The following MSL2 variants were observed in gnomAD, a reference collection of about 807,000 sequenced individuals.
MSL2 encodes E3 ubiquitin-protein ligase MSL2.
In MSL2, 2 loss-of-function variants were observed where a neutral mutation model predicts 35.8. The observed-to-expected ratio is 0.06, with a 90% CI of 0.02 to 0.18. The LOEUF (loss-of-function observed/expected upper bound fraction) is 0.18. Ranked by LOEUF, MSL2 falls within the 10% of genes least tolerant of loss-of-function variation. MSL2 has a pLI of 1.00. For synonymous variants in MSL2, 296 were observed against 255.7 expected (o/e 1.16, Z -1.50); for missense variants, 523 against 706.7 (o/e 0.74, Z 2.95).
chr3:136,182,587 A>C (rs889286234), intron 1 of MSL2, among the ~76,000 whole-genome samples: 1 of 152,112 alleles, frequency 6.6e-6, no homozygotes, highest in Non-Finnish European at 1.5e-5. Context: ...CTGAATTGAG[A>C]AGCCAGAGCT....
Position 136,151,900 on chromosome 3 carries a change from T to C in MSL2, c.981A>G (p.Ser327=), listed in dbSNP as rs202185460. The C allele has an allele frequency of 6.8e-6, 11 of 1,614,058 alleles. No individual in the cohort carries two copies. Among genetic ancestry groups the C allele is most frequent in the African/African-American group, 2.7e-5 (2 of 74,914 alleles). Residue 327 remains serine, a synonymous_variant, in exon 2 of 2, where the codon TCA becomes TCG. Transcript: ENST00000309993. The surrounding 1 kb of genome is among the most constrained non-coding windows in gnomAD (Gnocchi z 5.2). ...CTATCTTCGGAGTTGCTGCTGTACA[T>C]GATAACCCATGAAGTGCAGGACTGG... ...MSTSPALHGL[S]CTAATPKIAK... is the part of the protein sequence containing the mutation.
intron 1 of MSL2, among the ~76,000 whole-genome samples, chr3:136,165,738 T>C (rs923431551): frequency 1.3e-5 from 2 of 152,144 alleles, no homozygotes; most frequent in African/African-American, 4.8e-5. Context: ...CCAGACATCA[T>C]TAATTTTTAA....
chr3:136,189,076 A>C (rs1224517058), intron 1 of MSL2, among the ~76,000 whole-genome samples: 3 of 139,222 alleles, frequency 2.2e-5, no homozygotes, highest in Non-Finnish European at 4.5e-5. Flanking sequence ...AGATCATACA[A>C]GCCTGGGCAA....
chr3:136,156,926 G>A (rs1335460585), intron 1 of MSL2, among the ~76,000 whole-genome samples: 1 of 151,322 alleles, frequency 6.6e-6, no homozygotes, highest in African/African-American at 2.4e-5. Context: ...AACTGTTGAA[G>A]AAGAGAAAAT....
intron 1 of MSL2, among the ~76,000 whole-genome samples, chr3:136,180,387 T>C (rs1288949279): frequency 1.3e-5 from 2 of 152,070 alleles, no homozygotes; most frequent in Non-Finnish European, 2.9e-5. Flanking sequence ...CGTTACTTTT[T>C]GAAATATTAC....
At chr3:136,168,850 A>G (rs573343572) in intron 1 of MSL2, among the ~76,000 whole-genome samples, 2 of 152,156 alleles carry the variant, frequency 1.3e-5, no homozygotes, top group Non-Finnish European at 2.9e-5. Flanking sequence ...GTTCAATGAG[A>G]TAACACCCTT....
At chr3:136,176,515 CAAAA>C (rs771021498) in intron 1 of MSL2, among the ~76,000 whole-genome samples, 922 of 54,124 alleles carry the variant, frequency 0.017, 17 homozygotes, top group African/African-American at 0.052. Flanking sequence ...GACCCTCTCT[CAAAA>C]AAAAAAAAAA....
At chr3:136,176,515 CAA>C (rs771021498) in intron 1 of MSL2, among the ~76,000 whole-genome samples, 151 of 54,110 alleles carry the variant, frequency 2.8e-3, no homozygotes, top group African/African-American at 3.8e-3. Flanking sequence ...GACCCTCTCT[CAA>C]AAAAAAAAAA....
chr3:136,186,119 G>A (rs1940515649), intron 1 of MSL2, among the ~76,000 whole-genome samples: 1 of 152,076 alleles, frequency 6.6e-6, no homozygotes, highest in Non-Finnish European at 1.5e-5. Context: ...AACTCTTCAG[G>A]TTCCCCAAAA....
At chr3:136,153,598 G>A (rs527956889) in intron 1 of MSL2, among the ~76,000 whole-genome samples, 1 of 151,918 alleles carries the variant, frequency 6.6e-6, no homozygotes, top group Non-Finnish European at 1.5e-5. Flanking sequence ...GGCCAGCCTG[G>A]CCAACATGGT....
At chr3:136,180,812 A>AGGGAG (rs1940332579) in intron 1 of MSL2, among the ~76,000 whole-genome samples, 1 of 90,466 alleles carries the variant, frequency 1.1e-5, no homozygotes, top group Non-Finnish European at 2.3e-5. Context: ...GAGGGAGGGA[A>AGGGAG]GGAGGGAAGG....
At chr3:136,194,931 A>G in intron 1 of MSL2, 41 bp downstream of exon 1, 1 of 1,612,266 alleles carries the variant, frequency 6.2e-7, no homozygotes. Context: ...GAAGGCTTTT[A>G]AAAACAAGCA....
At chr3:136,171,623 G>A (rs1331517439) in intron 1 of MSL2, among the ~76,000 whole-genome samples, 1 of 152,164 alleles carries the variant, frequency 6.6e-6, no homozygotes, top group Admixed American at 6.5e-5. Flanking sequence ...TTCTGTAACT[G>A]TCCAAGTCTG....
intron 1 of MSL2, among the ~76,000 whole-genome samples, chr3:136,174,759 G>A (rs1195297285): frequency 6.6e-6 from 1 of 152,044 alleles, no homozygotes; most frequent in Admixed American, 6.6e-5. Context: ...CATCTTCTGT[G>A]TAAAAGAGAT....
At position 136,195,062 on chromosome 3, in the gene MSL2, G is replaced by C; in HGVS notation, c.52C>G (p.Leu18Val). The change falls in exon 1 of 2, where the codon CTC becomes GTC. Residue 18 changes from leucine (L) to valine (V), a missense_variant. Physicochemically the swap from Leu to Val is conservative, Grantham distance 32. Coordinates refer to ENST00000309993, the MANE Select transcript of MSL2 (RefSeq NM_018133.4). Reference protein sequence around the residue: ...ALYISASRLVLNYDPGDPKAF... With the variant: ...ALYISASRLVVNYDPGDPKAF... ...TTGGGGTCTCCGGGGTCGTAGTTGA[G>C]CACTAGGCGGCTCGCGGAAATGTAG... 1.9e-6 allele frequency: 3 copies of C among 1,614,042 alleles called. No homozygotes were observed. Among genetic ancestry groups the C allele is most frequent in the Non-Finnish European group, 2.5e-6 (3 of 1,180,002 alleles).
intron 1 of MSL2, among the ~76,000 whole-genome samples, chr3:136,176,863 T>G: frequency 6.6e-6 from 1 of 152,112 alleles, no homozygotes; most frequent in East Asian, 1.9e-4. Context: ...ATAAATATCT[T>G]TTCTTTATAA....
intron 1 of MSL2, among the ~76,000 whole-genome samples, chr3:136,187,864 C>G (rs1940566354): frequency 6.6e-6 from 1 of 151,982 alleles, no homozygotes. Context: ...TTCAATCAGT[C>G]TGGTGTGATG....
rs1299944756 is a variant in MSL2 at position 136,195,033 on chromosome 3, C to T, written c.81G>A (p.Ala27=). Residue 27 remains alanine (A), a synonymous_variant, in exon 1 of 2, where the codon GCG becomes GCA. Coordinates refer to ENST00000309993, the MANE Select transcript of MSL2 (RefSeq NM_018133.4). ...GCAAGAGCCTGTTAATCTCAGTAAACGCCTTGGGGTCTCCGGGGTCGTAGT... is the reference window on the plus strand; with the variant it reads ...GCAAGAGCCTGTTAATCTCAGTAAATGCCTTGGGGTCTCCGGGGTCGTAGT... ...VLNYDPGDPK[A]FTEINRLLPY... The T allele has an allele frequency of 2.5e-6, 4 of 1,614,004 alleles. No individual in the cohort carries two copies. Among genetic ancestry groups the T allele is most frequent in the Non-Finnish European group, 3.4e-6 (4 of 1,179,920 alleles).
In MSL2 at chr3:136,181,980, A is replaced by G. The variant is rs200023169; in HGVS notation, c.142+12992T>C. On this transcript the variant is annotated intron_variant, in intron 1 of 1. Transcript: ENST00000309993. ...AATAATCAAAACTTACGTGGGCTGA[A>G]GAAAAAAAAATTTTTTAATTTAAAA... Among the ~76,000 whole-genome samples, 4 of 152,030 alleles carry G rather than the reference A, an allele frequency of 2.6e-5. No individual in the cohort carries two copies. In the East Asian group the frequency reaches 7.7e-4, roughly 29 times the overall value.
Sources: gnomAD v4.1 joint callset for allele counts (sites outside exome capture counted in the v4.1 genomes callset) on GRCh38, gnomAD v4.1.1 for gene constraint, Gnocchi (gnomAD v3.1) non-coding constraint, MANE v1.5 for transcripts, NCBI Gene and HGNC (gene_info 2026-07-23, HGNC 2026-07-21) for gene names.